Variants in NYAP2 observed in about 807,000 individuals in gnomAD.
The protein encoded by NYAP2 is neuronal tyrosine-phosphorylated phosphoinositide-3-kinase adaptor 2, also known as neuronal tyrosine-phosphorylated phosphoinositide-3-kinase adapter 2.
Under a neutral mutation model 50.4 loss-of-function variants are expected in NYAP2, and 23 were observed. The observed-to-expected ratio is 0.46, with a 90% confidence interval of 0.33 to 0.65. NYAP2 has a LOEUF of 0.65. Among genes scored for constraint, NYAP2 ranks in the 30% least tolerant of loss-of-function variants. The pLI is 0.02. For synonymous variants in NYAP2, 394 were observed against 365.2 expected (o/e 1.08, Z -0.90); for missense variants, 885 against 861.0 (o/e 1.03, Z -0.35).
chr2:225,543,366 T>C (rs554549827), intron 4 of NYAP2, among the ~76,000 whole-genome samples: 3 of 152,124 alleles, frequency 2.0e-5, no homozygotes, highest in African/African-American at 7.2e-5. Context: ...TTGAAGTTTT[T>C]CTTTTTCTTT....
intron 5 of NYAP2, among the ~76,000 whole-genome samples, chr2:225,591,080 C>A (rs1292082072): frequency 6.6e-6 from 1 of 152,184 alleles, no homozygotes; most frequent in Non-Finnish European, 1.5e-5. Context: ...CCAGATGAGT[C>A]CAGGCTTTTG....
At chr2:225,622,543 TTCTTTCTTTCTTTCTTTTTC>T (rs1474784660) in intron 5 of NYAP2, among the ~76,000 whole-genome samples, 1,749 of 48,372 alleles carry the variant, frequency 0.036, 38 homozygotes, top group African/African-American at 0.11. Context: ...CTTTCTTTCT[TTCTTTCTTTCTTTCTTTTTC>T]TTTCTTTCTT....
At chr2:225,651,064 A>G (rs1693722432) in intron 6 of NYAP2, among the ~76,000 whole-genome samples, 1 of 152,248 alleles carries the variant, frequency 6.6e-6, no homozygotes, top group South Asian at 2.1e-4. Flanking sequence ...TTTAGGACAC[A>G]GAAATCCTAC....
At chr2:225,434,702 T>C (rs1402123697) in intron 3 of NYAP2, among the ~76,000 whole-genome samples, 4 of 152,220 alleles carry the variant, frequency 2.6e-5, no homozygotes, top group Non-Finnish European at 4.4e-5. Context: ...CAGAAATACA[T>C]GGACAGTGCC....
rs544227088 is a variant in NYAP2 at position 225,519,985 on chromosome 2, C to G, written c.523+6313C>G. Among the ~76,000 whole-genome samples the G allele has an allele frequency of 4.7e-3, 719 of 152,226 alleles. 9 individuals are homozygous for G. Among genetic ancestry groups the G allele is most frequent in the Middle Eastern group, 0.027 (8 of 294 alleles). On this transcript the variant is annotated intron_variant, in intron 4 of 6. Transcript: ENST00000636099. ...CATTCTAACTGGTGTGAGATGGTAT[C>G]TCATTGTGGTTTTGATTTGCATTTC...
chr2:225,399,922 A>C (rs1694830498), exon 1 of NYAP2: 1 of 152,118 alleles, frequency 6.6e-6, no homozygotes, highest in Non-Finnish European at 1.5e-5. Context: ...TAAAGACTGA[A>C]TTAGTGCTAT....
the NYAP2 span, among the ~76,000 whole-genome samples, chr2:225,687,218 G>T: frequency 6.6e-6 from 1 of 152,070 alleles, no homozygotes; most frequent in Non-Finnish European, 1.5e-5. Context: ...TATATCAATA[G>T]GGCATGCTTA....
At chr2:225,417,475 G>A (rs749654339) in intron 3 of NYAP2, among the ~76,000 whole-genome samples, 3 of 151,944 alleles carry the variant, frequency 2.0e-5, no homozygotes, top group Non-Finnish European at 4.4e-5. Flanking sequence ...GAATATTCAT[G>A]TCCATACTGG....
At chr2:225,661,899 T>A in the NYAP2 span, among the ~76,000 whole-genome samples, 1 of 152,126 alleles carries the variant, frequency 6.6e-6, no homozygotes, top group Non-Finnish European at 1.5e-5. Flanking sequence ...AATTTTTGTA[T>A]TTTTAATACA....
At chr2:225,486,205 A>G (rs1185759233) in intron 3 of NYAP2, among the ~76,000 whole-genome samples, 1 of 152,182 alleles carries the variant, frequency 6.6e-6, no homozygotes, top group Non-Finnish European at 1.5e-5. Flanking sequence ...GAAAAAGAGG[A>G]GACCCAGATT....
intron 3 of NYAP2, among the ~76,000 whole-genome samples, chr2:225,412,249 G>C (rs1416724707): frequency 6.1e-5 from 2 of 32,974 alleles, no homozygotes; most frequent in Non-Finnish European, 1.1e-4. Flanking sequence ...GAGCCACTGC[G>C]CCCGGCTTTT....
intron 5 of NYAP2, among the ~76,000 whole-genome samples, chr2:225,597,527 A>ATATATATATATATATATG (rs1229875282): frequency 2.5e-5 from 3 of 121,596 alleles, no homozygotes; most frequent in Non-Finnish European, 5.3e-5. Context: ...ATATATATAT[A>ATATATATATATATATATG]TATGTATCAC....
At chr2:225,541,229 A>G (rs1691465415) in intron 4 of NYAP2, among the ~76,000 whole-genome samples, 1 of 152,024 alleles carries the variant, frequency 6.6e-6, no homozygotes, top group South Asian at 2.1e-4. Context: ...ATTTTATTCC[A>G]TTTTGTAGGT....
At chr2:225,668,953 C>T in the NYAP2 span, among the ~76,000 whole-genome samples, 1 of 117,494 alleles carries the variant, frequency 8.5e-6, no homozygotes, top group Non-Finnish European at 1.7e-5. Flanking sequence ...TTGGTGTCCC[C>T]TGCTTTTTTT....
the NYAP2 span, chr2:225,699,783 T>C: frequency 1.3e-5 from 2 of 151,806 alleles, no homozygotes; most frequent in African/African-American, 4.8e-5. Flanking sequence ...AGGGATGGGG[T>C]GGATTCAATT....
downstream of NYAP2, among the ~76,000 whole-genome samples, chr2:225,658,302 G>C (rs147520556): frequency 4.8e-4 from 73 of 152,202 alleles, no homozygotes; most frequent in African/African-American, 1.7e-3. Flanking sequence ...AACCCTAAGA[G>C]GAGGTCTTGG....
chr2:225,460,117 A>G (rs1689803560), intron 3 of NYAP2, among the ~76,000 whole-genome samples: 1 of 152,208 alleles, frequency 6.6e-6, no homozygotes, highest in South Asian at 2.1e-4. Context: ...ATTCTAATCA[A>G]TCAATTAGTT....
At chr2:225,639,819 G>A (rs1034776934) in intron 6 of NYAP2, among the ~76,000 whole-genome samples, 12 of 152,148 alleles carry the variant, frequency 7.9e-5, no homozygotes, top group Non-Finnish European at 1.2e-4. Flanking sequence ...GTGACAGGGC[G>A]CTTCCTTTAG....
chr2:225,489,468 G>T (rs2106169999), intron 3 of NYAP2, among the ~76,000 whole-genome samples: 1 of 152,264 alleles, frequency 6.6e-6, no homozygotes, highest in South Asian at 2.1e-4. Context: ...AAATGGTTGA[G>T]ATTACAGGTG....
Sources: gnomAD v4.1 joint callset for allele counts (sites outside exome capture counted in the v4.1 genomes callset) on GRCh38, gnomAD v4.1.1 for gene constraint, MANE v1.5 for transcripts, NCBI Gene and HGNC (gene_info 2026-07-23, HGNC 2026-07-21) for gene names.